The following EPB41L3 variants were observed in gnomAD, a reference collection of about 807,000 sequenced individuals.
The protein encoded by EPB41L3 is erythrocyte membrane protein band 4.1 like 3, also known as band 4.1-like protein 3.
Under a neutral mutation model 127.1 loss-of-function variants are expected in EPB41L3, and 57 were observed. That is an observed-to-expected ratio of 0.45 (90% CI 0.36 to 0.56). EPB41L3 has a LOEUF of 0.56. EPB41L3 is among the 20% of genes least tolerant of loss of function. The pLI is 0.00. For synonymous variants in EPB41L3, 572 were observed against 549.5 expected (o/e 1.04, Z -0.57); for missense variants, 1,273 against 1,372.2 (o/e 0.93, Z 1.14).
At chr18:5,464,548 T>C (rs781626493) in intron 3 of EPB41L3, among the ~76,000 whole-genome samples, 2 of 152,136 alleles carry the variant, frequency 1.3e-5, no homozygotes, top group Non-Finnish European at 2.9e-5. Flanking sequence ...AACATGAAAA[T>C]GAGTGAGCTG....
chr18:5,427,165 A>G (rs1054274337), intron 9 of EPB41L3, among the ~76,000 whole-genome samples: 1 of 152,092 alleles, frequency 6.6e-6, no homozygotes, highest in African/African-American at 2.4e-5. Flanking sequence ...CACCATGCCC[A>G]GCCGATATTC....
chr18:5,587,238 C>T (rs1457795690), intron 3 of EPB41L3, among the ~76,000 whole-genome samples: 1 of 152,124 alleles, frequency 6.6e-6, no homozygotes, highest in Non-Finnish European at 1.5e-5. Flanking sequence ...AGTCCCCTCT[C>T]ATCTTTTAGC....
At chr18:5,607,666 C>A (rs1054241520) in intron 3 of EPB41L3, among the ~76,000 whole-genome samples, 1 of 152,174 alleles carries the variant, frequency 6.6e-6, no homozygotes, top group Admixed American at 6.5e-5. Context: ...TCCTAGGTTA[C>A]CATCCATTCC....
chr18:5,500,075 A>G (rs1343370259), intron 1 of EPB41L3, among the ~76,000 whole-genome samples: 1 of 152,168 alleles, frequency 6.6e-6, no homozygotes, highest in African/African-American at 2.4e-5. Flanking sequence ...GACTGAGCCT[A>G]CATTTTAATC....
chr18:5,508,910 G>A (rs1175553959), intron 1 of EPB41L3, among the ~76,000 whole-genome samples: 2 of 151,978 alleles, frequency 1.3e-5, no homozygotes, highest in Non-Finnish European at 2.9e-5. Context: ...CTGCTTAATT[G>A]TGAGAACAAA....
intron 5 of EPB41L3, among the ~76,000 whole-genome samples, chr18:5,442,242 T>G (rs140168800): frequency 6.6e-6 from 1 of 152,172 alleles, no homozygotes; most frequent in Non-Finnish European, 1.5e-5. Flanking sequence ...GAACAAAAAA[T>G]AAGTAGTGTT....
chr18:5,597,452 T>C (rs2094547996), intron 3 of EPB41L3, among the ~76,000 whole-genome samples: 1 of 152,196 alleles, frequency 6.6e-6, no homozygotes, highest in South Asian at 2.1e-4. Context: ...TACAATGTAT[T>C]TGTAAAACCT....
intron 5 of EPB41L3, among the ~76,000 whole-genome samples, chr18:5,441,610 C>T (rs62080552): frequency 0.043 from 6,558 of 152,126 alleles, 165 homozygotes; most frequent in Non-Finnish European, 0.064. Context: ...GGACTACAGG[C>T]GCACGCCACC....
chr18:5,495,035 C>T (rs757463378), intron 1 of EPB41L3, among the ~76,000 whole-genome samples: 2 of 152,096 alleles, frequency 1.3e-5, no homozygotes, highest in Admixed American at 6.5e-5. Context: ...AAGGGGCAGC[C>T]GGGACAAGTT....
intron 19 of EPB41L3, 65 bp from the exon 20 acceptor site, chr18:5,395,772 C>A (rs534090572): frequency 1.5e-6 from 2 of 1,296,798 alleles, no homozygotes; most frequent in African/African-American, 1.5e-5. Flanking sequence ...AAGTTGGCTA[C>A]GTTATTTAAG....
intron 10 of EPB41L3, 75 bp from the exon 11 acceptor site, chr18:5,423,628 T>C (rs2077755305): frequency 7.4e-7 from 1 of 1,358,148 alleles, no homozygotes; most frequent in Non-Finnish European, 1.0e-6. Flanking sequence ...CTTTTTACTC[T>C]GAGAGGTCAT....
intron 1 of EPB41L3, among the ~76,000 whole-genome samples, chr18:5,495,359 C>A (rs1245788600): frequency 7.0e-6 from 1 of 141,992 alleles, no homozygotes; most frequent in Non-Finnish European, 1.5e-5. Flanking sequence ...ACAAAGATTT[C>A]ATAACAGAAT....
chr18:5,540,949 G>A (rs991299006), intron 1 of EPB41L3, among the ~76,000 whole-genome samples: 1 of 152,008 alleles, frequency 6.6e-6, no homozygotes, highest in African/African-American at 2.4e-5. Context: ...GCCGGGCGTG[G>A]TGGCGGGCGC....
At chr18:5,468,303 T>A (rs559495677) in intron 3 of EPB41L3, among the ~76,000 whole-genome samples, 2 of 152,120 alleles carry the variant, frequency 1.3e-5, no homozygotes, top group Non-Finnish European at 2.9e-5. Context: ...AAGGGGTGGG[T>A]CCCTGGTGAA....
intron 3 of EPB41L3, among the ~76,000 whole-genome samples, chr18:5,586,820 A>C (rs1043563863): frequency 6.6e-6 from 1 of 152,182 alleles, no homozygotes; most frequent in Non-Finnish European, 1.5e-5. Flanking sequence ...TGCTCTATGA[A>C]GCCTGACAAC....
Position 5,478,895 on chromosome 18 carries a change from C to T in EPB41L3, c.184-457G>A, listed in dbSNP as rs577773039. 2.8e-4 allele frequency among the ~76,000 whole-genome samples: 42 copies of T among 152,324 alleles called. 1 individual carries two copies. The East Asian group carries it at 7.3e-3, about 27-fold the overall frequency. On this transcript the variant is annotated intron_variant, in intron 2 of 22. Coordinates refer to ENST00000341928, the MANE Select transcript of EPB41L3 (RefSeq NM_012307.5). Reference sequence around the variant, plus strand: ...CAAGATATCTGATAAACTCTAAGACCTGGAGAGCTTCAAGTATTAATCTTT... The same window carrying T: ...CAAGATATCTGATAAACTCTAAGACTTGGAGAGCTTCAAGTATTAATCTTT...
chr18:5,546,755 G>A (rs1419915302), upstream of EPB41L3, among the ~76,000 whole-genome samples: 1 of 152,102 alleles, frequency 6.6e-6, no homozygotes, highest in South Asian at 2.1e-4. Flanking sequence ...GTGCATAGCT[G>A]CATAGCTCCC....
chr18:5,406,183 G>A (rs866946603), intron 16 of EPB41L3, among the ~76,000 whole-genome samples: 8 of 152,150 alleles, frequency 5.3e-5, no homozygotes, highest in Middle Eastern at 3.4e-3. Context: ...CCTGGGAGGC[G>A]GAGGCTACAG....
intron 22 of EPB41L3, 137 bp downstream of exon 22, chr18:5,394,540 C>T: frequency 1.6e-6 from 1 of 644,868 alleles, no homozygotes; most frequent in Non-Finnish European, 2.7e-6. Flanking sequence ...AACCAATTCT[C>T]CATCCTCTTG....
Sources: allele counts gnomAD v4.1 joint callset (sites outside exome capture counted in the v4.1 genomes callset), GRCh38; gene constraint gnomAD v4.1.1; transcripts MANE v1.5; gene names NCBI Gene and HGNC (gene_info 2026-07-23, HGNC 2026-07-21).